TNFRSF11A: variants seen among roughly 807,000 people sequenced by gnomAD.
The protein encoded by TNFRSF11A is tumor necrosis factor receptor superfamily member 11A.
A neutral mutation model predicts 55.7 loss-of-function variants in TNFRSF11A; 32 were observed. That is an observed-to-expected ratio of 0.57 (90% CI 0.43 to 0.77). The LOEUF (loss-of-function observed/expected upper bound fraction) is 0.77. TNFRSF11A is among the 30% of genes least tolerant of loss of function. TNFRSF11A has a pLI of 0.00. For missense variants in TNFRSF11A, 753 were observed against 809.8 expected (o/e 0.93, Z 0.85); for synonymous variants, 311 against 331.0 (o/e 0.94, Z 0.65).
At chr18:62,338,746 A>G (rs1263137101) in intron 1 of TNFRSF11A, among the ~76,000 whole-genome samples, 1 of 152,228 alleles carries the variant, frequency 6.6e-6, no homozygotes, top group Non-Finnish European at 1.5e-5. Context: ...AGATAGTGGC[A>G]ATCGTTGCTA....
At position 62,325,488 on chromosome 18, in the gene TNFRSF11A, A is replaced by AGGGCCG; in HGVS notation, c.75+69_75+74dup. The stretch of plus-strand genomic sequence containing the variant: ...CGACGCCTCCTCGGGAGCCCCGGGA[A>AGGGCCG]GGGCCGGGGCCGGCGGCATCCTGGC... On this transcript the variant is annotated intron_variant, in intron 1 of 9. Transcript: ENST00000586569. The surrounding 1 kb of genome is among the most constrained non-coding windows in gnomAD (Gnocchi z 4.7). 9.0e-7 allele frequency: 1 copy of AGGGCCG among 1,106,470 alleles called. No homozygotes were observed. Among genetic ancestry groups the AGGGCCG allele is most frequent in the Non-Finnish European group, 1.1e-6 (1 of 884,670 alleles). The allele number at this position is 1,106,470 out of a possible 1,614,324, so 68.5% of individuals were successfully genotyped here.
chr18:62,382,310 C>A (rs1459834872), intron 9 of TNFRSF11A, among the ~76,000 whole-genome samples: 1 of 151,972 alleles, frequency 6.6e-6, no homozygotes, highest in Non-Finnish European at 1.5e-5. Context: ...GGGGTTTCGC[C>A]ATATTGGCCA....
chr18:62,360,371 T>G (rs896690405), intron 6 of TNFRSF11A, among the ~76,000 whole-genome samples: 3 of 152,156 alleles, frequency 2.0e-5, no homozygotes, highest in Non-Finnish European at 4.4e-5. Context: ...TGAGGAGATT[T>G]TAGTCATCTT....
intron 9 of TNFRSF11A, among the ~76,000 whole-genome samples, chr18:62,370,364 T>C (rs1256375939): frequency 6.6e-6 from 1 of 152,216 alleles, no homozygotes; most frequent in Non-Finnish European, 1.5e-5. Context: ...TATGGATATA[T>C]ACTATTTAAG....
intron 2 of TNFRSF11A, among the ~76,000 whole-genome samples, chr18:62,349,018 G>A (rs2046425357): frequency 6.6e-6 from 1 of 152,130 alleles, no homozygotes; most frequent in South Asian, 2.1e-4. Flanking sequence ...ACAAAAAGAA[G>A]TTAACAAGAA....
chr18:62,330,426 G>A (rs995639199), intron 1 of TNFRSF11A, among the ~76,000 whole-genome samples: 4 of 152,166 alleles, frequency 2.6e-5, no homozygotes, highest in African/African-American at 7.2e-5. Flanking sequence ...GCAGGGACTC[G>A]CATCAGAGTG....
intron 8 of TNFRSF11A, among the ~76,000 whole-genome samples, chr18:62,368,064 G>C (rs900228820): frequency 1.3e-5 from 2 of 152,032 alleles, no homozygotes; most frequent in Non-Finnish European, 2.9e-5. Context: ...AAAATCCTGG[G>C]ATTGCAGGCA....
chr18:62,370,055 C>G (rs1168597360), intron 9 of TNFRSF11A, among the ~76,000 whole-genome samples: 3 of 152,052 alleles, frequency 2.0e-5, no homozygotes, highest in Non-Finnish European at 4.4e-5. Flanking sequence ...GAGAAAGGCC[C>G]CTTTTATAAC....
intron 7 of TNFRSF11A, among the ~76,000 whole-genome samples, chr18:62,365,413 T>G (rs1910006074): frequency 6.6e-6 from 1 of 152,234 alleles, no homozygotes; most frequent in Non-Finnish European, 1.5e-5. Flanking sequence ...TGGGTGGAGA[T>G]GTACTTTTTT....
intron 1 of TNFRSF11A, among the ~76,000 whole-genome samples, chr18:62,340,030 T>A (rs8094368): frequency 4.6e-5 from 7 of 151,588 alleles, no homozygotes; most frequent in African/African-American, 1.7e-4. Flanking sequence ...TCCCTAGGCC[T>A]TGTAGTCCCA....
chr18:62,347,581 T>TC (rs1247200765), intron 1 of TNFRSF11A, among the ~76,000 whole-genome samples: 2 of 152,140 alleles, frequency 1.3e-5, no homozygotes, highest in Non-Finnish European at 2.9e-5. Flanking sequence ...CACCTTGCTT[T>TC]CCCCGCTTTT....
chr18:62,336,687 A>G (rs1329828649), intron 1 of TNFRSF11A: 1 of 152,298 alleles, frequency 6.6e-6, no homozygotes, highest in Non-Finnish European at 1.5e-5. Flanking sequence ...GGTGCATCGT[A>G]ACATAAGGAC....
intron 4 of TNFRSF11A, 147 bp downstream of exon 4, chr18:62,354,681 T>C: frequency 8.2e-7 from 1 of 1,220,642 alleles, no homozygotes; most frequent in Non-Finnish European, 1.1e-6. Flanking sequence ...GGGGGCTGAT[T>C]TTCCACGAGA....
chr18:62,347,574 C>A (rs566717462), intron 1 of TNFRSF11A, among the ~76,000 whole-genome samples: 1 of 152,308 alleles, frequency 6.6e-6, no homozygotes, highest in East Asian at 1.9e-4. Context: ...CCTACAACAC[C>A]TTGCTTTCCC....
chr18:62,370,461 C>T (rs1459428202), intron 9 of TNFRSF11A, among the ~76,000 whole-genome samples: 1 of 152,178 alleles, frequency 6.6e-6, no homozygotes, highest in Non-Finnish European at 1.5e-5. Context: ...TTCTCTGCTT[C>T]TTTATTTAGA....
intron 9 of TNFRSF11A, among the ~76,000 whole-genome samples, chr18:62,369,938 A>G (rs1260840475): frequency 6.6e-6 from 1 of 152,250 alleles, no homozygotes; most frequent in Non-Finnish European, 1.5e-5. Flanking sequence ...AGGAGGACAC[A>G]CAAAATTGTT....
intron 3 of TNFRSF11A, among the ~76,000 whole-genome samples, chr18:62,350,539 G>C (rs368647250): frequency 6.6e-6 from 1 of 152,072 alleles, no homozygotes; most frequent in Admixed American, 6.5e-5. Flanking sequence ...TGATCTGCCC[G>C]CCTCGGCCTT....
intron 4 of TNFRSF11A, among the ~76,000 whole-genome samples, chr18:62,356,489 C>CT (rs1181449898): frequency 3.3e-5 from 5 of 152,340 alleles, no homozygotes; most frequent in African/African-American, 1.2e-4. Context: ...TTCTATTAGA[C>CT]TTTCTCTCTG....
intron 6 of TNFRSF11A, 62 bp downstream of exon 6, chr18:62,360,111 T>TC (rs1909565805): frequency 2.9e-6 from 4 of 1,400,220 alleles, no homozygotes; most frequent in Non-Finnish European, 4.0e-6. Context: ...CTGGTTTAGA[T>TC]CCCTCCCAGA....
Sources: gnomAD v4.1 joint callset for allele counts (sites outside exome capture counted in the v4.1 genomes callset) on GRCh38, gnomAD v4.1.1 for gene constraint, Gnocchi (gnomAD v3.1) non-coding constraint, MANE v1.5 for transcripts, NCBI Gene and HGNC (gene_info 2026-07-23, HGNC 2026-07-21) for gene names.